RHOB: variants seen among roughly 807,000 people sequenced by gnomAD.
RHOB encodes the protein rho-related GTP-binding protein RhoB.
Under a neutral mutation model 12.9 loss-of-function variants are expected in RHOB, and 6 were observed. The observed-to-expected ratio is 0.47, with a 90% CI of 0.25 to 0.92. The LOEUF (loss-of-function observed/expected upper bound fraction) is 0.92, where lower values mean the gene tolerates loss of function less well. Ranked by LOEUF, RHOB falls within the 40% of genes least tolerant of loss-of-function variation. The pLI, the probability that RHOB is intolerant of heterozygous loss-of-function variation, is 0.16. For missense variants in RHOB, 142 were observed against 277.9 expected (o/e 0.51, Z 3.48); for synonymous variants, 168 against 122.1 (o/e 1.38, Z -2.48).
chr2:20,447,675 G>C lies in RHOB; in HGVS notation c.210G>C (p.Arg70=). The change falls in exon 1 of 1, where the codon CGG becomes CGC. Residue 70 remains arginine, a synonymous_variant. Transcript: ENST00000272233. ...GCCAGGAGGACTACGACCGCCTGCGGCCGCTCTCCTACCCGGACACCGACG... is the reference window on the plus strand; with the variant it reads ...GCCAGGAGGACTACGACCGCCTGCGCCCGCTCTCCTACCCGGACACCGACG... The part of the protein sequence containing the change: ...TAGQEDYDRL[R]PLSYPDTDVI... 1 of 1,613,962 alleles carries C rather than the reference G, an allele frequency of 6.2e-7. No homozygotes were observed.
In RHOB at chr2:20,448,945, T is replaced by C. The variant is rs1691056404; in HGVS notation, c.*889T>C. 1 of 167,170 alleles carries C rather than the reference T, an allele frequency of 6.0e-6. No homozygotes were observed. Among genetic ancestry groups the C allele is most frequent in the African/African-American group, 2.4e-5 (1 of 41,484 alleles). 10.4% of individuals were successfully genotyped at this position (167,170 alleles called of 1,614,324 possible). A position where few individuals can be genotyped will look rare whatever the true frequency, so the allele number is the denominator to read the frequency against. On this transcript the variant is annotated 3_prime_UTR_variant, in exon 1 of 1. Transcript: ENST00000272233. ...AATTGTTTCATTGTTTGACACTTAA[T>C]GCACTCGTCATTTGCATACGACAGT...
Position 20,448,131 on chromosome 2 carries a change from G to A in RHOB, c.*75G>A. The A allele has an allele frequency of 7.7e-7, 1 of 1,300,374 alleles. No individual in the cohort carries two copies. Among genetic ancestry groups the A allele is most frequent in the Non-Finnish European group, 1.1e-6 (1 of 942,068 alleles). 80.6% of individuals were successfully genotyped at this position (1,300,374 alleles called of 1,614,324 possible). A position where few individuals can be genotyped will look rare whatever the true frequency, so the allele number is the denominator to read the frequency against. On this transcript the variant is annotated 3_prime_UTR_variant, in exon 1 of 1. Transcript: ENST00000272233. The stretch of plus-strand genomic sequence containing the variant: ...ACCAGTCCCCCGCGAGCCCGGAGAA[G>A]GGGAGACCCGTGTCCCACAAGGACC...
Position 20,447,879 on chromosome 2 carries a change from C to G in RHOB, c.414C>G (p.Pro138=). The G allele has an allele frequency of 1.2e-6, 2 of 1,613,442 alleles. No homozygotes were observed. Among genetic ancestry groups the G allele is most frequent in the Non-Finnish European group, 1.7e-6 (2 of 1,180,022 alleles). Residue 138 remains proline, a synonymous_variant, in exon 1 of 1, where the codon CCC becomes CCG. Coordinates refer to ENST00000272233, the MANE Select transcript of RHOB (RefSeq NM_004040.4). ...RTELARMKQE[P]VRTDDGRAMA... ...AGCTGGCCCGCATGAAGCAGGAACC[C>G]GTGCGCACGGATGACGGCCGCGCCA...
In RHOB at chr2:20,447,633, G is replaced by A. The variant is rs1332004097; in HGVS notation, c.168G>A (p.Ala56=). ...TGGACGGCAAGCAGGTGGAGCTGGC[G>A]CTGTGGGACACGGCGGGCCAGGAGG... The part of the protein sequence containing the change: ...IEVDGKQVEL[A]LWDTAGQEDY... Residue 56 remains alanine (A), a synonymous_variant, in exon 1 of 1, where the codon GCG becomes GCA. Transcript: ENST00000272233. The A allele has an allele frequency of 6.2e-7, 1 of 1,614,072 alleles. No individual in the cohort carries two copies. The highest frequency in any genetic ancestry group is 2.2e-5 in the East Asian group (1 of 44,864).
rs1203244934 is a variant in RHOB at position 20,448,388 on chromosome 2, C to G, written c.*332C>G. 4 of 316,032 alleles carry G rather than the reference C, an allele frequency of 1.3e-5. No individual in the cohort carries two copies. The Admixed American group carries it at 1.9e-4, about 15-fold the overall frequency. 19.6% of individuals were successfully genotyped at this position (316,032 alleles called of 1,614,324 possible). Reference sequence around the variant, plus strand: ...CCCTCGCCCCATTTTCACCCCACCCCCGCCTCTGATCCCCGGGGGCGAGAT... The same window carrying G: ...CCCTCGCCCCATTTTCACCCCACCCGCGCCTCTGATCCCCGGGGGCGAGAT... On this transcript the variant is annotated 3_prime_UTR_variant, in exon 1 of 1. Coordinates refer to ENST00000272233, the MANE Select transcript of RHOB (RefSeq NM_004040.4).
Position 20,447,784 on chromosome 2 carries a change from T to G in RHOB, c.319T>G (p.Cys107Gly). 6.2e-7 allele frequency: 1 copy of G among 1,614,028 alleles called. No individual in the cohort carries two copies. The highest frequency in any genetic ancestry group is 8.5e-7 in the Non-Finnish European group (1 of 1,180,020). ...EKWVPEVKHFCPNVPIILVAN... is the reference protein window; with the variant it reads ...EKWVPEVKHFGPNVPIILVAN... ...GTGGGTCCCCGAGGTGAAGCACTTCTGTCCCAATGTGCCCATCATCCTGGT... is the reference window on the plus strand; with the variant it reads ...GTGGGTCCCCGAGGTGAAGCACTTCGGTCCCAATGTGCCCATCATCCTGGT... The change falls in exon 1 of 1, where the codon TGT (cysteine) becomes GGT (glycine). Residue 107 changes from cysteine to glycine, a missense_variant. By Grantham distance (159) the Cys-to-Gly change is radical. This residue lies in a region of RHOB where 113 missense variants were observed against 166.3 expected (regional missense o/e 0.68). Transcript: ENST00000272233.
chr2:20,448,068 G>A lies in RHOB; in HGVS notation c.*12G>A, dbSNP rs770690133. On this transcript the variant is annotated 3_prime_UTR_variant, in exon 1 of 1. Coordinates refer to ENST00000272233, the MANE Select transcript of RHOB (RefSeq NM_004040.4). ...GCAAGGTGCTATGAGGGCCGCGCCC[G>A]TCGCGCCTGCCCCTGCCGGCACGGC... is the stretch of plus-strand genomic sequence containing the variant. The A allele has an allele frequency of 2.5e-6, 4 of 1,592,914 alleles. No homozygotes were observed. Among genetic ancestry groups the A allele is most frequent in the Admixed American group, 1.7e-5 (1 of 59,062 alleles).
At position 20,449,435 on chromosome 2, in the gene RHOB, C is replaced by A. The variant is rs1488069190; in HGVS notation, c.*1379C>A. 1 of 166,958 alleles carries A rather than the reference C, an allele frequency of 6.0e-6. No homozygotes were observed. Among genetic ancestry groups the A allele is most frequent in the South Asian group, 2.1e-4 (1 of 4,828 alleles). 10.3% of individuals were successfully genotyped at this position (166,958 alleles called of 1,614,324 possible). ...AAATATTAAAAGACTATGATGATGA[C>A]ATTTATAAAATGGCTCTTGTGGTTT... On this transcript the variant is annotated 3_prime_UTR_variant, in exon 1 of 1. Coordinates refer to ENST00000272233, the MANE Select transcript of RHOB (RefSeq NM_004040.4).
Position 20,448,053 on chromosome 2 carries a change from A to C in RHOB, c.588A>C (p.Leu196=), listed in dbSNP as rs373654925. Residue 196 remains leucine, a synonymous_variant, in exon 1 of 1, where the codon CTA becomes CTC. Coordinates refer to ENST00000272233, the MANE Select transcript of RHOB (RefSeq NM_004040.4). ...GCTGCATCAACTGCTGCAAGGTGCT[A>C]TGAGGGCCGCGCCCGTCGCGCCTGC... ...QNGCINCCKV[L] 1 of 1,605,700 alleles carries C rather than the reference A, an allele frequency of 6.2e-7. No homozygotes were observed. The highest frequency in any genetic ancestry group is 1.3e-5 in the African/African-American group (1 of 74,780).
rs1360870816 is a variant in RHOB, at chr2:20,447,673, C to A, written c.208C>A (p.Arg70=). 2.5e-6 allele frequency: 4 copies of A among 1,613,728 alleles called. No individual in the cohort carries two copies. The highest frequency in any genetic ancestry group is 1.7e-5 in the Admixed American group (1 of 59,982). Residue 70 remains arginine, a synonymous_variant, in exon 1 of 1, where the codon CGG becomes AGG. Coordinates refer to ENST00000272233, the MANE Select transcript of RHOB (RefSeq NM_004040.4). The part of the protein sequence containing the change: ...TAGQEDYDRL[R]PLSYPDTDVI... ...GGGCCAGGAGGACTACGACCGCCTG[C>A]GGCCGCTCTCCTACCCGGACACCGA... is the stretch of plus-strand genomic sequence containing the variant.
Position 20,448,720 on chromosome 2 carries a change from T to C in RHOB, c.*664T>C, listed in dbSNP as rs1291610643. On this transcript the variant is annotated 3_prime_UTR_variant, in exon 1 of 1. Coordinates refer to ENST00000272233, the MANE Select transcript of RHOB (RefSeq NM_004040.4). ...GCAACTGACTTGGGGAGGACACAGCTTCAGCACAGCCTCTCCTGCGGGCCA... is the reference window on the plus strand; with the variant it reads ...GCAACTGACTTGGGGAGGACACAGCCTCAGCACAGCCTCTCCTGCGGGCCA... 1 of 167,164 alleles carries C rather than the reference T, an allele frequency of 6.0e-6. No homozygotes were observed. The highest frequency in any genetic ancestry group is 1.5e-5 in the Non-Finnish European group (1 of 68,154). 10.4% of individuals were successfully genotyped at this position (167,164 alleles called of 1,614,324 possible).
In RHOB at chr2:20,447,344, C is replaced by G. The variant is rs1172801648; in HGVS notation, c.-122C>G. On this transcript the variant is annotated 5_prime_UTR_variant, in exon 1 of 1. Transcript: ENST00000272233. Reference sequence around the variant, plus strand: ...AGCGAGAGAACGCGCCACCGCGGGGCCCGGGTGCAGCTAGCGACCCTCTCG... The same window carrying G: ...AGCGAGAGAACGCGCCACCGCGGGGGCCGGGTGCAGCTAGCGACCCTCTCG... The G allele has an allele frequency of 4.3e-6, 3 of 692,256 alleles. No homozygotes were observed. The highest frequency in any genetic ancestry group is 6.4e-6 in the Non-Finnish European group (3 of 467,714). 42.9% of individuals were successfully genotyped at this position (692,256 alleles called of 1,614,324 possible). A position where few individuals can be genotyped will look rare whatever the true frequency, so the allele number is the denominator to read the frequency against.
rs1483307545 is a variant in RHOB, at chr2:20,447,134, C to A, written c.-332C>A. 7.8e-6 allele frequency: 2 copies of A among 257,862 alleles called. No individual in the cohort carries two copies. Among genetic ancestry groups the A allele is most frequent in the Admixed American group, 1.1e-4 (2 of 18,116 alleles). The allele number at this position is 257,862 out of a possible 1,614,324, so 16.0% of individuals were successfully genotyped here. On this transcript the variant is annotated 5_prime_UTR_variant, in exon 1 of 1. Coordinates refer to ENST00000272233, the MANE Select transcript of RHOB (RefSeq NM_004040.4). ...GTATGCTCAGCGAGGCCCGGAGAGA[C>A]CCGGGAGAGAGCTAGGCCGAGTCCA...
Position 20,448,167 on chromosome 2 carries a change from G to C in RHOB, c.*111G>C. 3 of 981,582 alleles carry C rather than the reference G, an allele frequency of 3.1e-6. No homozygotes were observed. Among genetic ancestry groups the C allele is most frequent in the East Asian group, 2.6e-5 (1 of 38,134 alleles). 60.8% of individuals were successfully genotyped at this position (981,582 alleles called of 1,614,324 possible). ...TGTCCCACAAGGACCCCACCGGCCTGCCTGGCATCTGTCTGCTGACGCCTC... is the reference window on the plus strand; with the variant it reads ...TGTCCCACAAGGACCCCACCGGCCTCCCTGGCATCTGTCTGCTGACGCCTC... On this transcript the variant is annotated 3_prime_UTR_variant, in exon 1 of 1. Coordinates refer to ENST00000272233, the MANE Select transcript of RHOB (RefSeq NM_004040.4).
At position 20,447,295 on chromosome 2, in the gene RHOB, C is replaced by T. The variant is rs1039572378; in HGVS notation, c.-171C>T. 6 of 466,490 alleles carry T rather than the reference C, an allele frequency of 1.3e-5. No individual in the cohort carries two copies. Among genetic ancestry groups the T allele is most frequent in the South Asian group, 5.0e-5 (1 of 19,980 alleles). The allele number at this position is 466,490 out of a possible 1,614,324, so 28.9% of individuals were successfully genotyped here. A position where few individuals can be genotyped will look rare whatever the true frequency, so the allele number is the denominator to read the frequency against. On this transcript the variant is annotated 5_prime_UTR_variant, in exon 1 of 1. Transcript: ENST00000272233. ...GCCCTATGCCCCCGCGCCCCCACCG[C>T]CCCCGCCGCGGCAGCCGAAGCGCAG... is the stretch of plus-strand genomic sequence containing the variant.
rs747795887 is a variant in RHOB, at chr2:20,448,773, CGGAGGGA to C, written c.*728_*734del. ...CCGCTGCGAACCCTCCACCAGCTAC[CGGAGGGA>C]GGAGGGAGGATGCGCTGTGGGGTTG... On this transcript the variant is annotated 3_prime_UTR_variant, in exon 1 of 1. Coordinates refer to ENST00000272233, the MANE Select transcript of RHOB (RefSeq NM_004040.4). 11 of 167,228 alleles carry C rather than the reference CGGAGGGA, an allele frequency of 6.6e-5. No homozygotes were observed. The East Asian group carries it at 1.5e-3, about 23-fold the overall frequency. The allele number at this position is 167,228 out of a possible 1,614,324, so 10.4% of individuals were successfully genotyped here.
chr2:20,447,431 C>T lies in RHOB; in HGVS notation c.-35C>T, dbSNP rs749180218. 3.3e-6 allele frequency: 5 copies of T among 1,532,294 alleles called. No individual in the cohort carries two copies. Among genetic ancestry groups the T allele is most frequent in the Non-Finnish European group, 3.5e-6 (4 of 1,130,236 alleles). The allele number at this position is 1,532,294 out of a possible 1,614,324, so 94.9% of individuals were successfully genotyped here. A position where few individuals can be genotyped will look rare whatever the true frequency, so the allele number is the denominator to read the frequency against. On this transcript the variant is annotated 5_prime_UTR_variant, in exon 1 of 1. Coordinates refer to ENST00000272233, the MANE Select transcript of RHOB (RefSeq NM_004040.4). ...GAGCGGGAGGGCAGCGAGGCGTTCG[C>T]GGGCCCCCTCCTGCTGCCCGGGCCC... is the stretch of plus-strand genomic sequence containing the variant.
Position 20,448,677 on chromosome 2 carries a change from C to T in RHOB, c.*621C>T, listed in dbSNP as rs1691050272. 2 of 167,334 alleles carry T rather than the reference C, an allele frequency of 1.2e-5. No homozygotes were observed. Among genetic ancestry groups the T allele is most frequent in the South Asian group, 4.1e-4 (2 of 4,836 alleles). 10.4% of individuals were successfully genotyped at this position (167,334 alleles called of 1,614,324 possible). A position where few individuals can be genotyped will look rare whatever the true frequency, so the allele number is the denominator to read the frequency against. ...GAACAGGACTTGACCATCTTTCCAA[C>T]CCCTGGGGAAGACATTTGCAACTGA... On this transcript the variant is annotated 3_prime_UTR_variant, in exon 1 of 1. Coordinates refer to ENST00000272233, the MANE Select transcript of RHOB (RefSeq NM_004040.4).
chr2:20,449,416 TAA>T lies in RHOB; in HGVS notation c.*1363_*1364del, dbSNP rs756915305. 2 of 167,072 alleles carry T rather than the reference TAA, an allele frequency of 1.2e-5. No homozygotes were observed. Among genetic ancestry groups the T allele is most frequent in the African/African-American group, 2.4e-5 (1 of 41,446 alleles). The allele number at this position is 167,072 out of a possible 1,614,324, so 10.3% of individuals were successfully genotyped here. ...GTATACAGTTTTTTATGTAAAATATTAAAAGACTATGATGATGACATTTATAA... is the reference window on the plus strand; with the variant it reads ...GTATACAGTTTTTTATGTAAAATATTAAGACTATGATGATGACATTTATAA... On this transcript the variant is annotated 3_prime_UTR_variant, in exon 1 of 1. Transcript: ENST00000272233.
Sources: gnomAD v4.1 joint callset for allele counts on GRCh38, gnomAD v4.1.1 for gene constraint, gnomAD v4.1.1 regional missense constraint, MANE v1.5 for transcripts, NCBI Gene and HGNC (gene_info 2026-07-23, HGNC 2026-07-21) for gene names.